Variants in MTHFS observed in about 807,000 individuals in gnomAD.
MTHFS encodes the protein 5-formyltetrahydrofolate cyclo-ligase.
In MTHFS, 7 loss-of-function variants were observed where a neutral mutation model predicts 12.7. The observed-to-expected ratio is 0.55, with a 90% CI of 0.31 to 1.03. The LOEUF (loss-of-function observed/expected upper bound fraction) is 1.03, where lower values mean the gene tolerates loss of function less well. Among genes scored for constraint, MTHFS ranks in the 50% least tolerant of loss-of-function variants. The pLI, the probability that MTHFS is intolerant of heterozygous loss-of-function variation, is 0.05. For missense variants in MTHFS, 252 were observed against 258.1 expected (o/e 0.98, Z 0.16); for synonymous variants, 100 against 97.1 (o/e 1.03, Z -0.18).
chr15:79,893,697 CAAAA>C (rs564888275), intron 1 of MTHFS, among the ~76,000 whole-genome samples: 1 of 56,582 alleles, frequency 1.8e-5, no homozygotes, highest in Non-Finnish European at 3.6e-5. Flanking sequence ...GACTCCCTCT[CAAAA>C]AAAAAAAAAA....
intron 2 of MTHFS, chr15:79,877,505 C>T (rs776979436): frequency 6.6e-6 from 1 of 152,024 alleles, no homozygotes; most frequent in African/African-American, 2.4e-5. Flanking sequence ...TCAAGACCAT[C>T]CTAGCCCACA....
At chr15:79,868,058 A>C (rs950583739) in intron 2 of MTHFS, among the ~76,000 whole-genome samples, 1 of 152,302 alleles carries the variant, frequency 6.6e-6, no homozygotes, top group South Asian at 2.1e-4. Flanking sequence ...AATTTTCTCT[A>C]AATATTTTGC....
upstream of MTHFS, chr15:79,897,137 G>T (rs1008486834): frequency 8.8e-6 from 6 of 680,682 alleles, no homozygotes; most frequent in African/African-American, 1.1e-4. Flanking sequence ...CGGGACGCGG[G>T]CCCGCGGCGC....
chr15:79,864,631 C>T (rs2033978429), intron 2 of MTHFS, among the ~76,000 whole-genome samples: 1 of 146,790 alleles, frequency 6.8e-6, no homozygotes, highest in Admixed American at 6.8e-5. Context: ...CCTGTACACG[C>T]TTTCTGGTGC....
At chr15:79,888,331 C>T (rs997200528) in intron 2 of MTHFS, among the ~76,000 whole-genome samples, 1 of 152,224 alleles carries the variant, frequency 6.6e-6, no homozygotes, top group South Asian at 2.1e-4. Flanking sequence ...TTAGGAAGAA[C>T]CTCGTTAAGG....
rs747944368 is a variant in MTHFS, at chr15:79,896,903, C to G, written c.86G>C (p.Arg29Pro). The change falls in exon 1 of 3, where the codon CGG becomes CCG. Residue 29 changes from arginine to proline, a missense_variant. Physicochemically the swap from Arg to Pro is moderately radical, Grantham distance 103. Transcript: ENST00000258874. ...QRLRAMSAEE[R>P]LRQSRVLSQK... ...GCTCAGTACGCGGGACTGGCGTAGCCGCTCCTCGGCACTCATCGCCCGCAG... is the reference window on the plus strand; with the variant it reads ...GCTCAGTACGCGGGACTGGCGTAGCGGCTCCTCGGCACTCATCGCCCGCAG... 6.5e-7 allele frequency: 1 copy of G among 1,542,886 alleles called. No homozygotes were observed. The highest frequency in any genetic ancestry group is 2.4e-5 in the East Asian group (1 of 40,854).
At chr15:79,858,905 C>T (rs537900195) in intron 2 of MTHFS, among the ~76,000 whole-genome samples, 3 of 152,326 alleles carry the variant, frequency 2.0e-5, no homozygotes, top group East Asian at 1.9e-4. Context: ...TATGCTCCTA[C>T]GCTTTCCTAT....
At chr15:79,889,577 T>C (rs184028624) in intron 1 of MTHFS, among the ~76,000 whole-genome samples, 3 of 152,186 alleles carry the variant, frequency 2.0e-5, no homozygotes, top group Non-Finnish European at 4.4e-5. Context: ...TATCCCTTCC[T>C]GGTACACCCA....
intron 2 of MTHFS, among the ~76,000 whole-genome samples, chr15:79,872,665 C>G (rs191563513): frequency 6.6e-6 from 1 of 152,290 alleles, no homozygotes; most frequent in African/African-American, 2.4e-5. Context: ...ACAAAAGGAT[C>G]GTAATTTCCA....
chr15:79,895,921 C>A (rs771892233), intron 1 of MTHFS, among the ~76,000 whole-genome samples: 16 of 152,206 alleles, frequency 1.1e-4, no homozygotes, highest in Non-Finnish European at 2.2e-4. Context: ...AACAGAATTA[C>A]AAATACGTAC....
At chr15:79,888,021 T>C (rs1301715587) in intron 2 of MTHFS, among the ~76,000 whole-genome samples, 1 of 152,198 alleles carries the variant, frequency 6.6e-6, no homozygotes, top group African/African-American at 2.4e-5. Context: ...CTGCATAAAG[T>C]TGTGCTAGGG....
At chr15:79,866,493 T>C (rs1012764076) in intron 2 of MTHFS, among the ~76,000 whole-genome samples, 8 of 152,150 alleles carry the variant, frequency 5.3e-5, no homozygotes, top group African/African-American at 1.7e-4. Context: ...AGGGAGCTGA[T>C]GTGGATGCTT....
intron 2 of MTHFS, among the ~76,000 whole-genome samples, chr15:79,872,939 C>T (rs548772334): frequency 2.4e-4 from 37 of 152,196 alleles, no homozygotes; most frequent in Non-Finnish European, 4.6e-4. Context: ...CACCATAGGG[C>T]TGTGCACTTC....
At chr15:79,890,910 A>G (rs962403113) in intron 1 of MTHFS, among the ~76,000 whole-genome samples, 2 of 152,240 alleles carry the variant, frequency 1.3e-5, no homozygotes, top group East Asian at 3.8e-4. Flanking sequence ...AAAGTTAAGT[A>G]TCCTTTTTGC....
At chr15:79,874,489 T>C (rs1233074532) in intron 2 of MTHFS, among the ~76,000 whole-genome samples, 1 of 152,170 alleles carries the variant, frequency 6.6e-6, no homozygotes, top group Non-Finnish European at 1.5e-5. Context: ...GTCTGGCAGT[T>C]CCCTGAAAAG....
At chr15:79,864,405 T>C (rs959390731) in intron 2 of MTHFS, among the ~76,000 whole-genome samples, 1 of 151,080 alleles carries the variant, frequency 6.6e-6, no homozygotes, top group African/African-American at 2.4e-5. Flanking sequence ...ATTAGCCAAG[T>C]GTGGTGGTAC....
chr15:79,865,818 G>T (rs2033999959), intron 2 of MTHFS, among the ~76,000 whole-genome samples: 1 of 152,182 alleles, frequency 6.6e-6, no homozygotes, highest in African/African-American at 2.4e-5. Context: ...CCTCCGGCAG[G>T]TGCCTACAAT....
chr15:79,892,725 G>A (rs2034494696), intron 1 of MTHFS, among the ~76,000 whole-genome samples: 1 of 152,124 alleles, frequency 6.6e-6, no homozygotes, highest in Non-Finnish European at 1.5e-5. Context: ...AGCCAAGGTG[G>A]GTGGATCATG....
intron 2 of MTHFS, among the ~76,000 whole-genome samples, chr15:79,856,170 C>G (rs1045471143): frequency 6.6e-6 from 1 of 152,150 alleles, no homozygotes; most frequent in South Asian, 2.1e-4. Flanking sequence ...CACAATCTCA[C>G]CAGCATTTGT....
Sources: gnomAD v4.1 joint callset for allele counts (sites outside exome capture counted in the v4.1 genomes callset) on GRCh38, gnomAD v4.1.1 for gene constraint, MANE v1.5 for transcripts, NCBI Gene and HGNC (gene_info 2026-07-23, HGNC 2026-07-21) for gene names.